HIVEP3: variants seen among roughly 807,000 people sequenced by gnomAD.
HIVEP3 encodes transcription factor HIVEP3.
In HIVEP3, 49 loss-of-function variants were observed where a neutral mutation model predicts 152.8. The ratio of observed to expected loss-of-function variants is 0.32; its 90% CI spans 0.26 to 0.41. The LOEUF is 0.41. Ranked by LOEUF, HIVEP3 falls within the 10% of genes least tolerant of loss-of-function variation. HIVEP3 has a pLI of 1.00. For synonymous variants in HIVEP3, 1,269 were observed against 1,289.0 expected, an observed-to-expected ratio of 0.98 and a Z score of 0.33; for missense variants, 2,790 against 3,103.3, an observed-to-expected ratio of 0.90 and a Z score of 2.40.
intron 1 of HIVEP3, among the ~76,000 whole-genome samples, chr1:42,034,772 T>TGA (rs1645631874): frequency 6.6e-6 from 1 of 152,196 alleles, no homozygotes; most frequent in South Asian, 2.1e-4. Context: ...TTTTCTTAAC[T>TGA]GAGGAACACT....
intron 1 of HIVEP3, among the ~76,000 whole-genome samples, chr1:41,851,781 G>C (rs1643608644): frequency 6.6e-6 from 1 of 152,346 alleles, no homozygotes; most frequent in Admixed American, 6.5e-5. Flanking sequence ...TGCAGGGATT[G>C]GGGGTGGTGT....
chr1:41,644,105 C>G (rs187496245), intron 2 of HIVEP3, among the ~76,000 whole-genome samples: 4 of 152,084 alleles, frequency 2.6e-5, no homozygotes, highest in Non-Finnish European at 4.4e-5. Context: ...AGGCTGGTCT[C>G]AAACTCCTGA....
At chr1:41,723,606 C>T (rs1646710120) in intron 1 of HIVEP3, among the ~76,000 whole-genome samples, 2 of 151,968 alleles carry the variant, frequency 1.3e-5, no homozygotes, top group Admixed American at 6.6e-5. Context: ...TATTTGTTTG[C>T]TACTTGTACA....
At chr1:41,701,283 C>T (rs1421949684) in intron 1 of HIVEP3, among the ~76,000 whole-genome samples, 3 of 152,262 alleles carry the variant, frequency 2.0e-5, no homozygotes, top group Non-Finnish European at 4.4e-5. Context: ...GGAACTCCCA[C>T]TTCCAAACAC....
intron 1 of HIVEP3, among the ~76,000 whole-genome samples, chr1:41,730,620 A>G (rs11806365): frequency 0.057 from 8,645 of 152,322 alleles, 832 homozygotes; most frequent in African/African-American, 0.2. Flanking sequence ...GGTGCAATCT[A>G]TCTAAGCAGT....
In HIVEP3 at chr1:41,934,387, A is replaced by G. The variant is rs139875125; in HGVS notation, n.120-15863T>C. On this transcript the variant is annotated intron_variant and non_coding_transcript_variant, in intron 1 of 3. Coordinates refer to the HIVEP3 transcript ENST00000489103. ...ATCTCATTTCTCCCTGAAGATACCT[A>G]TCTCTTCCTCGATTTTGGGCCTACT... Among the ~76,000 whole-genome samples the G allele has an allele frequency of 4.1e-3, 622 of 152,212 alleles. 7 individuals carry two copies. The highest frequency in any genetic ancestry group is 0.015 in the African/African-American group (604 of 41,544).
chr1:41,533,831 ATC>A lies in HIVEP3; in HGVS notation c.5208-8923_5208-8922del. ...TCGAGTTCCGATGCCTTTGCTATAC[ATC>A]TAACTGCCTTAGTATCACCTCTGGT... is the stretch of plus-strand genomic sequence containing the variant. On this transcript the variant is annotated intron_variant, in intron 5 of 8. Transcript: ENST00000372583. This position sits in a 1 kb window ranked among gnomAD's most constrained non-coding sequence, Gnocchi z 4.3. Among the ~76,000 whole-genome samples the A allele has an allele frequency of 6.6e-6, 1 of 151,806 alleles. No homozygotes were observed. Among genetic ancestry groups the A allele is most frequent in the South Asian group, 2.1e-4 (1 of 4,820 alleles).
intron 1 of HIVEP3, among the ~76,000 whole-genome samples, chr1:42,018,808 A>G (rs1202693955): frequency 2.0e-5 from 3 of 151,886 alleles, no homozygotes; most frequent in African/African-American, 7.2e-5. Context: ...CCTCCCATAT[A>G]TTTACCTTCC....
At chr1:41,723,836 T>C (rs1387703880) in intron 1 of HIVEP3, among the ~76,000 whole-genome samples, 2 of 152,218 alleles carry the variant, frequency 1.3e-5, no homozygotes, top group Non-Finnish European at 2.9e-5. Flanking sequence ...GGATTAGGGT[T>C]AGCACTTTCA....
At chr1:41,800,983 C>A (rs1159314239) in intron 1 of HIVEP3, among the ~76,000 whole-genome samples, 1 of 152,144 alleles carries the variant, frequency 6.6e-6, no homozygotes, top group African/African-American at 2.4e-5. Flanking sequence ...GTGCAGAGAA[C>A]AAACTACAAT....
chr1:41,814,705 A>G (rs1159787177), intron 1 of HIVEP3, among the ~76,000 whole-genome samples: 5 of 152,178 alleles, frequency 3.3e-5, no homozygotes, highest in Admixed American at 1.3e-4. Flanking sequence ...TGAAAGCTTT[A>G]TTATGCATTA....
chr1:42,007,510 G>A (rs966800915), intron 1 of HIVEP3, among the ~76,000 whole-genome samples: 1 of 152,194 alleles, frequency 6.6e-6, no homozygotes, highest in Non-Finnish European at 1.5e-5. Context: ...GGATTTTCAA[G>A]GGTAACTGGC....
At chr1:41,827,018 G>C (rs1642823274) in intron 1 of HIVEP3, among the ~76,000 whole-genome samples, 1 of 152,158 alleles carries the variant, frequency 6.6e-6, no homozygotes, top group African/African-American at 2.4e-5. Flanking sequence ...TAACTCTAAA[G>C]TCCCAGCTCT....
chr1:41,623,485 C>A (rs2149143709), intron 3 of HIVEP3, among the ~76,000 whole-genome samples: 1 of 152,302 alleles, frequency 6.6e-6, no homozygotes, highest in South Asian at 2.1e-4. Context: ...AAAAATGTCC[C>A]TTTTCTATGG....
intron 2 of HIVEP3, among the ~76,000 whole-genome samples, chr1:41,679,499 C>A (rs143118743): frequency 2.8e-4 from 43 of 152,296 alleles, no homozygotes; most frequent in African/African-American, 8.7e-4. Flanking sequence ...CCCTCCCTAG[C>A]CTCACTCAGT....
chr1:41,791,197 A>C (rs752858574), intron 1 of HIVEP3, among the ~76,000 whole-genome samples: 73 of 151,644 alleles, frequency 4.8e-4, no homozygotes, highest in Non-Finnish European at 8.7e-4. Context: ...AGGTCCGCTC[A>C]CTGTTCCTTC....
At chr1:41,518,893 C>T (rs1642683566) in intron 6 of HIVEP3, among the ~76,000 whole-genome samples, 1 of 147,130 alleles carries the variant, frequency 6.8e-6, no homozygotes, top group South Asian at 2.1e-4. Flanking sequence ...GGACTATTGG[C>T]CATCTCAAGT....
chr1:41,531,397 G>A (rs1643247550), intron 5 of HIVEP3, among the ~76,000 whole-genome samples: 2 of 147,400 alleles, frequency 1.4e-5, no homozygotes, highest in Admixed American at 1.3e-4. Context: ...GAGGACAGGG[G>A]AGATGGAGGA....
intron 5 of HIVEP3, among the ~76,000 whole-genome samples, chr1:41,545,283 A>T (rs1558048422): frequency 1.4e-5 from 2 of 145,334 alleles, no homozygotes; most frequent in Non-Finnish European, 3.0e-5. Flanking sequence ...CATCACTACC[A>T]CCACCACCAT....
Sources: gnomAD v4.1 joint callset for allele counts (sites outside exome capture counted in the v4.1 genomes callset) on GRCh38, gnomAD v4.1.1 for gene constraint, Gnocchi (gnomAD v3.1) non-coding constraint, MANE v1.5 for transcripts, NCBI Gene and HGNC (gene_info 2026-07-23, HGNC 2026-07-21) for gene names.